PNPLA8: variants seen among roughly 807,000 people sequenced by gnomAD.
The protein encoded by PNPLA8 is patatin like domain 8, phospholipase A2.
PNPLA8 carries 39 observed loss-of-function variants against 76.9 expected under a neutral mutation model. That is an observed-to-expected ratio of 0.51 (90% CI 0.39 to 0.66). The LOEUF (loss-of-function observed/expected upper bound fraction) is 0.66, where lower values mean the gene tolerates loss of function less well. PNPLA8 is among the 30% of genes least tolerant of loss of function. PNPLA8 has a pLI of 0.00. For missense variants in PNPLA8, 887 were observed against 918.0 expected (o/e 0.97, Z 0.44); for synonymous variants, 301 against 307.9 (o/e 0.98, Z 0.24).
Position 108,515,077 on chromosome 7 carries a change from C to G in PNPLA8, c.415G>C (p.Val139Leu). ...TGTTTTAACCAGCCACTATCCGATA[C>G]TTTTCTTAAAATTTGGGAACTTGGC... Reference protein sequence around the residue: ...FKPSSQILRKVSDSGWLKQKN... With the variant: ...FKPSSQILRKLSDSGWLKQKN... Residue 139 changes from valine (V) to leucine (L), a missense_variant, in exon 3 of 11, where the codon GTA becomes CTA. Physicochemically the swap from Val to Leu is conservative, Grantham distance 32 (BLOSUM62 1). Transcript: ENST00000257694. The G allele has an allele frequency of 6.2e-7, 1 of 1,604,274 alleles. No homozygotes were observed. Among genetic ancestry groups the G allele is most frequent in the Non-Finnish European group, 8.5e-7 (1 of 1,178,248 alleles).
Position 108,479,213 on chromosome 7 carries a change from T to A in PNPLA8, c.2045A>T (p.Asn682Ile). The A allele has an allele frequency of 6.2e-7, 1 of 1,612,880 alleles. No individual in the cohort carries two copies. The highest frequency in any genetic ancestry group is 8.5e-7 in the Non-Finnish European group (1 of 1,178,894). Residue 682 changes from asparagine (N) to isoleucine (I), a missense_variant, in exon 10 of 11, where the codon AAT becomes ATT. Transcript: ENST00000257694. Reference protein sequence around the residue: ...TYTSLKTKLSNVINSATDTEE... With the variant: ...TYTSLKTKLSIVINSATDTEE... The stretch of plus-strand genomic sequence containing the variant: ...TGTATCTGTAGCACTGTTGATAACA[T>A]TAGAAAGTTTAGTTTTCAAGCTTGT...
At chr7:108,495,591 T>C (rs909670250) in intron 7 of PNPLA8, among the ~76,000 whole-genome samples, 1 of 152,182 alleles carries the variant, frequency 6.6e-6, no homozygotes, top group African/African-American at 2.4e-5. Context: ...TCCTATATAA[T>C]AATTATTTTA....
At chr7:108,502,741 C>A (rs1862058137) in intron 4 of PNPLA8, 99 bp from the exon 5 acceptor site, 3 of 747,732 alleles carry the variant, frequency 4.0e-6, no homozygotes, top group Non-Finnish European at 6.5e-6. Flanking sequence ...ACATGACAAC[C>A]AAGGTGACAG....
Position 108,506,193 on chromosome 7 carries a change from C to T in PNPLA8, c.1207-3551G>A, listed in dbSNP as rs759091076. ...AGGAGTTGGAGACCAGCCTGACCAA[C>T]AGGGTGAAACCCCGTCTCTACTAAA... On this transcript the variant is annotated intron_variant, in intron 4 of 10. Transcript: ENST00000257694. Among the ~76,000 whole-genome samples the T allele has an allele frequency of 2.0e-5, 3 of 152,264 alleles. No individual in the cohort carries two copies. In the South Asian group the frequency reaches 6.2e-4, roughly 32 times the overall value.
intron 9 of PNPLA8, among the ~76,000 whole-genome samples, chr7:108,485,526 G>C (rs1299864438): frequency 6.6e-6 from 1 of 151,820 alleles, no homozygotes; most frequent in Non-Finnish European, 1.5e-5. Context: ...CAGCTAAAAG[G>C]GATTTTCAAA....
intron 9 of PNPLA8, among the ~76,000 whole-genome samples, chr7:108,480,959 G>T (rs1860350645): frequency 1.4e-5 from 2 of 147,584 alleles, no homozygotes; most frequent in Admixed American, 1.3e-4. Context: ...GGAGGTCATA[G>T]AAATGGAATA....
intron 10 of PNPLA8, among the ~76,000 whole-genome samples, 180 bp from the exon 11 acceptor site, chr7:108,472,855 G>C (rs1859721148): frequency 6.6e-6 from 1 of 152,086 alleles, no homozygotes; most frequent in African/African-American, 2.4e-5. Context: ...AAAACTATAA[G>C]ATAAAATTCA....
At chr7:108,479,959 C>G (rs1860279670) in intron 9 of PNPLA8, among the ~76,000 whole-genome samples, 1 of 151,948 alleles carries the variant, frequency 6.6e-6, no homozygotes, top group South Asian at 2.1e-4. Flanking sequence ...TGATAGAGCA[C>G]TATAAAAATG....
chr7:108,471,877 A>G lies in PNPLA8; in HGVS notation c.*524T>C, dbSNP rs541076317. On this transcript the variant is annotated 3_prime_UTR_variant, in exon 11 of 11. Transcript: ENST00000257694. ...TGTCAAATGTAAAATACTTTAATAG[A>G]GAAAATTCCATTTTTCTGCATCTAT... is the stretch of plus-strand genomic sequence containing the variant. 3 of 152,320 alleles carry G rather than the reference A, an allele frequency of 2.0e-5. No homozygotes were observed. Among genetic ancestry groups the G allele is most frequent in the East Asian group, 3.9e-4 (2 of 5,192 alleles). The allele number at this position is 152,320 out of a possible 1,614,324, so 9.4% of individuals were successfully genotyped here.
At chr7:108,510,300 A>G (rs1398445289) in intron 4 of PNPLA8, 2 of 1,588,856 alleles carry the variant, frequency 1.3e-6, no homozygotes, top group East Asian at 4.5e-5. Flanking sequence ...AAGCGAAGGA[A>G]TTTCTCAGAG....
chr7:108,476,538 G>A (rs2154514720), intron 10 of PNPLA8, among the ~76,000 whole-genome samples: 1 of 152,312 alleles, frequency 6.6e-6, no homozygotes, highest in East Asian at 1.9e-4. Context: ...ACTGTTTATA[G>A]GAATGTAAAT....
At chr7:108,506,973 AC>A (rs1862478720) in intron 4 of PNPLA8, among the ~76,000 whole-genome samples, 1 of 152,124 alleles carries the variant, frequency 6.6e-6, no homozygotes, top group Non-Finnish European at 1.5e-5. Flanking sequence ...TTTTTAATAA[AC>A]CCAAAGGATG....
chr7:108,493,053 G>A (rs1328463140), intron 7 of PNPLA8, among the ~76,000 whole-genome samples: 4 of 152,144 alleles, frequency 2.6e-5, no homozygotes, highest in African/African-American at 4.8e-5. Flanking sequence ...AGTGAGCTCC[G>A]GCAAGAACAG....
upstream of PNPLA8, chr7:108,527,742 G>A (rs566881219): frequency 6.3e-4 from 96 of 152,302 alleles, no homozygotes; most frequent in African/African-American, 2.2e-3. Flanking sequence ...AGGCGGAGAT[G>A]ATCAATTATC....
intron 4 of PNPLA8, chr7:108,510,634 T>C: frequency 6.4e-7 from 1 of 1,569,662 alleles, no homozygotes; most frequent in Non-Finnish European, 8.7e-7. Flanking sequence ...TGCTGAGGAT[T>C]GTAGAGCCAT....
At chr7:108,497,663 C>T (rs765737427) in intron 5 of PNPLA8, 86 bp from the exon 6 acceptor site, 2 of 636,522 alleles carry the variant, frequency 3.1e-6, no homozygotes, top group Non-Finnish European at 5.0e-6. Context: ...CTAATAATTG[C>T]TTTTAGAGTT....
intron 5 of PNPLA8, among the ~76,000 whole-genome samples, chr7:108,498,936 G>GC (rs56015426): frequency 0.4 from 60,877 of 151,986 alleles, 12,727 homozygotes; most frequent in African/African-American, 0.48. Context: ...GTCAAATTGT[G>GC]CTTGATAATG....
chr7:108,507,174 C>T (rs760262925), intron 4 of PNPLA8, among the ~76,000 whole-genome samples: 12 of 151,610 alleles, frequency 7.9e-5, no homozygotes, highest in Admixed American at 1.3e-4. Context: ...GAAACCCCAT[C>T]GCTACTAAAG....
chr7:108,472,803 C>T, intron 10 of PNPLA8, 128 bp from the exon 11 acceptor site: 1 of 595,746 alleles, frequency 1.7e-6, no homozygotes, highest in East Asian at 3.1e-5. Flanking sequence ...TCACTAATTT[C>T]ATTATTCAAA....
Sources: allele counts gnomAD v4.1 joint callset (sites outside exome capture counted in the v4.1 genomes callset), GRCh38; gene constraint gnomAD v4.1.1; transcripts MANE v1.5; gene names NCBI Gene and HGNC (gene_info 2026-07-23, HGNC 2026-07-21).